Variants in GPHN observed in about 807,000 individuals in gnomAD.
GPHN encodes gephyrin.
In GPHN, 17 loss-of-function variants were observed where a neutral mutation model predicts 95.5. The observed-to-expected ratio is 0.18, with a 90% CI of 0.12 to 0.27. GPHN has a LOEUF of 0.27. Among genes scored for constraint, GPHN ranks in the 10% least tolerant of loss-of-function variants. GPHN has a pLI of 1.00. For missense variants in GPHN, 660 were observed against 978.1 expected (o/e 0.67, Z 4.34); for synonymous variants, 320 against 322.5 (o/e 0.99, Z 0.08).
At chr14:67,727,064 C>T in the GPHN span, 2 of 1,614,086 alleles carry the variant, frequency 1.2e-6, no homozygotes, top group Non-Finnish European at 8.5e-7. Context: ...CTCGGTGGCT[C>T]ACCACATTGG....
intron 1 of GPHN, among the ~76,000 whole-genome samples, chr14:66,648,220 A>C (rs551893720): frequency 3.3e-5 from 5 of 152,256 alleles, no homozygotes; most frequent in African/African-American, 1.2e-4. Context: ...TTCAGGAAAA[A>C]ATTTTATTTA....
At chr14:67,024,056 C>A (rs1353355185) in intron 10 of GPHN, among the ~76,000 whole-genome samples, 3 of 152,036 alleles carry the variant, frequency 2.0e-5, no homozygotes, top group African/African-American at 7.2e-5. Context: ...ATGTGGCTCC[C>A]AAGAGGGTAC....
chr14:67,032,265 T>A (rs1456679114), intron 10 of GPHN, among the ~76,000 whole-genome samples: 1 of 152,160 alleles, frequency 6.6e-6, no homozygotes, highest in African/African-American at 2.4e-5. Context: ...ACTGCATTGA[T>A]GGAACTACCA....
chr14:66,872,864 C>G (rs1411371525), intron 4 of GPHN, among the ~76,000 whole-genome samples: 4 of 147,660 alleles, frequency 2.7e-5, no homozygotes, highest in Non-Finnish European at 5.9e-5. Context: ...CACTGCACTC[C>G]AGGCAAAAAG....
At chr14:66,611,282 A>G (rs774805151) in intron 1 of GPHN, among the ~76,000 whole-genome samples, 3 of 152,134 alleles carry the variant, frequency 2.0e-5, no homozygotes, top group Admixed American at 6.6e-5. Flanking sequence ...ATTCCATTGA[A>G]TACATACAAA....
chr14:66,577,719 A>G (rs1217216640), intron 1 of GPHN, among the ~76,000 whole-genome samples: 1 of 151,936 alleles, frequency 6.6e-6, no homozygotes, highest in Non-Finnish European at 1.5e-5. Context: ...TGATTACTAA[A>G]TAAAGCAAAG....
intron 2 of GPHN, among the ~76,000 whole-genome samples, chr14:66,693,436 A>T (rs753504318): frequency 6.6e-6 from 1 of 152,210 alleles, no homozygotes; most frequent in South Asian, 2.1e-4. Flanking sequence ...TGATAGATAG[A>T]TAGGTAGATA....
chr14:66,749,715 T>G (rs138058988), intron 2 of GPHN, among the ~76,000 whole-genome samples: 1 of 151,982 alleles, frequency 6.6e-6, no homozygotes, highest in Admixed American at 6.6e-5. Flanking sequence ...TGTTGAGTTT[T>G]AAAATCTCTT....
At chr14:67,194,860 G>T in the GPHN span, among the ~76,000 whole-genome samples, 1 of 152,170 alleles carries the variant, frequency 6.6e-6, no homozygotes, top group African/African-American at 2.4e-5. Context: ...GTTTCACAAC[G>T]TTGGCCAGGC....
At chr14:67,263,507 G>A in the GPHN span, among the ~76,000 whole-genome samples, 5 of 152,168 alleles carry the variant, frequency 3.3e-5, no homozygotes, top group East Asian at 3.9e-4. Context: ...GGTACCCTTC[G>A]AAACACTGAA....
chr14:66,727,948 AG>A, intron 2 of GPHN, among the ~76,000 whole-genome samples: 1 of 152,252 alleles, frequency 6.6e-6, no homozygotes, highest in African/African-American at 2.4e-5. Flanking sequence ...CTTTCATCAC[AG>A]GCCCAGAGGC....
intron 2 of GPHN, among the ~76,000 whole-genome samples, chr14:66,695,501 C>T (rs983428175): frequency 1.3e-5 from 2 of 152,112 alleles, no homozygotes; most frequent in Non-Finnish European, 1.5e-5. Flanking sequence ...AGCAGTTTTG[C>T]CCCTTGGTAT....
the GPHN span, chr14:67,674,286 G>C: frequency 8.0e-7 from 1 of 1,247,800 alleles, no homozygotes; most frequent in Non-Finnish European, 1.1e-6. Flanking sequence ...GAGGAGACGC[G>C]GGCCCGGGTC....
chr14:67,550,917 A>G, the GPHN span, among the ~76,000 whole-genome samples: 2,009 of 152,306 alleles, frequency 0.013, 81 homozygotes, highest in Admixed American at 0.079. Flanking sequence ...TAGAGATACT[A>G]ACAGTACCTG....
intron 1 of GPHN, among the ~76,000 whole-genome samples, chr14:66,547,749 C>T (rs577937664): frequency 1.3e-5 from 2 of 152,276 alleles, no homozygotes; most frequent in South Asian, 2.1e-4. Context: ...ACAACAATAA[C>T]GAAACAATGT....
the GPHN span, among the ~76,000 whole-genome samples, chr14:67,232,823 G>A: frequency 6.6e-6 from 1 of 152,184 alleles, no homozygotes; most frequent in Admixed American, 6.5e-5. Flanking sequence ...GAGATAACAA[G>A]GCTTGGGAGA....
At chr14:67,154,477 T>G (rs2081465578) in intron 18 of GPHN, among the ~76,000 whole-genome samples, 1 of 152,198 alleles carries the variant, frequency 6.6e-6, no homozygotes, top group Admixed American at 6.5e-5. Flanking sequence ...GACTATGTCT[T>G]TCTTCTGTAC....
At chr14:67,482,954 T>C in the GPHN span, among the ~76,000 whole-genome samples, 1 of 152,192 alleles carries the variant, frequency 6.6e-6, no homozygotes, top group Admixed American at 6.5e-5. Context: ...CAAAAAATTC[T>C]CAAGCCCATT....
intron 8 of GPHN, among the ~76,000 whole-genome samples, chr14:66,930,033 G>A (rs2066702835): frequency 6.6e-6 from 1 of 152,140 alleles, no homozygotes; most frequent in Non-Finnish European, 1.5e-5. Flanking sequence ...TTTTATAAGT[G>A]AAGTGTGTTT....
Sources: gnomAD v4.1 joint callset for allele counts (sites outside exome capture counted in the v4.1 genomes callset) on GRCh38, gnomAD v4.1.1 for gene constraint, MANE v1.5 for transcripts, NCBI Gene and HGNC (gene_info 2026-07-23, HGNC 2026-07-21) for gene names.